PCDHGA1: variants seen among roughly 807,000 people sequenced by gnomAD.
PCDHGA1 encodes the protein protocadherin gamma-A1.
Under a neutral mutation model 58.0 loss-of-function variants are expected in PCDHGA1, and 32 were observed. That is an observed-to-expected ratio of 0.55 (90% confidence interval 0.42 to 0.74). The LOEUF is 0.74. Ranked by LOEUF, PCDHGA1 falls within the 30% of genes least tolerant of loss-of-function variation. The pLI is 0.00. For missense variants in PCDHGA1, 1,205 were observed against 1,182.3 expected (o/e 1.02, Z -0.28); for synonymous variants, 498 against 501.1 (o/e 0.99, Z 0.08).
intron 1 of PCDHGA1, chr5:141,423,357 C>T: frequency 6.2e-7 from 1 of 1,614,214 alleles, no homozygotes; most frequent in Non-Finnish European, 8.5e-7. Context: ...TCTTTGTCAT[C>T]GTGCTGCTGG....
chr5:141,410,419 TC>T (rs769125626), intron 1 of PCDHGA1: 1 of 1,613,886 alleles, frequency 6.2e-7, no homozygotes, highest in South Asian at 1.1e-5. Flanking sequence ...GACCTGTAGT[TC>T]CCCCCAACTA....
chr5:141,409,988 G>A (rs373071156), intron 1 of PCDHGA1: 43 of 1,613,160 alleles, frequency 2.7e-5, no homozygotes, highest in African/African-American at 5.3e-5. Context: ...AGCGGTGGAC[G>A]CCGACTCGGG....
intron 1 of PCDHGA1, among the ~76,000 whole-genome samples, chr5:141,464,139 C>T (rs1200161549): frequency 6.6e-6 from 1 of 151,928 alleles, no homozygotes; most frequent in Admixed American, 6.6e-5. Flanking sequence ...GTGGTGGGCG[C>T]CTGTAGTCCC....
Position 141,491,717 on chromosome 5 carries a change from C to A in PCDHGA1, c.2422-3090C>A. ...CGGAGCCAGGTGAGGGGCTCGGCGC[C>A]GCCCCGGGCGACCCCTGGGGGCGGC... On this transcript the variant is annotated intron_variant, in intron 1 of 3. Coordinates refer to ENST00000517417, the MANE Select transcript of PCDHGA1 (RefSeq NM_018912.3). The surrounding 1 kb of genome is among the most constrained non-coding windows in gnomAD (Gnocchi z 6.9). 1 of 1,607,940 alleles carries A rather than the reference C, an allele frequency of 6.2e-7. No individual in the cohort carries two copies. Among genetic ancestry groups the A allele is most frequent in the Middle Eastern group, 1.7e-4 (1 of 6,010 alleles).
intron 1 of PCDHGA1, among the ~76,000 whole-genome samples, chr5:141,472,725 C>T (rs1250092748): frequency 6.6e-6 from 1 of 152,022 alleles, no homozygotes; most frequent in Non-Finnish European, 1.5e-5. Flanking sequence ...GTGGCTCACA[C>T]CTGTAATCCC....
chr5:141,344,436 A>G (rs898974652), intron 1 of PCDHGA1: 4 of 1,613,462 alleles, frequency 2.5e-6, no homozygotes, highest in African/African-American at 2.7e-5. Flanking sequence ...TAATTTCCCA[A>G]CAGAGGAATT....
At chr5:141,338,983 G>A in intron 1 of PCDHGA1, 1 of 1,538,208 alleles carries the variant, frequency 6.5e-7, no homozygotes, top group Non-Finnish European at 8.8e-7. Context: ...TGGCGGCTCT[G>A]CAAAAGTTGC....
chr5:141,475,139 C>T (rs928313061), intron 1 of PCDHGA1, among the ~76,000 whole-genome samples: 2 of 151,928 alleles, frequency 1.3e-5, no homozygotes, highest in African/African-American at 4.8e-5. Flanking sequence ...TTTTTGAAAT[C>T]TTCTCCGTCT....
chr5:141,444,364 T>C (rs1191889941), intron 1 of PCDHGA1, among the ~76,000 whole-genome samples: 2 of 151,718 alleles, frequency 1.3e-5, no homozygotes, highest in Admixed American at 1.3e-4. Context: ...AGAGACGGGG[T>C]TTCTCCATGT....
At chr5:141,376,267 G>A (rs1021502624) in intron 1 of PCDHGA1, 6 of 1,614,210 alleles carry the variant, frequency 3.7e-6, no homozygotes, top group Non-Finnish European at 5.1e-6. Context: ...TGCAGGCTTC[G>A]GGAGGTGGCT....
At chr5:141,350,525 C>G in intron 1 of PCDHGA1, 2 of 1,613,934 alleles carry the variant, frequency 1.2e-6, no homozygotes, top group East Asian at 4.5e-5. Context: ...TAGGATAGAT[C>G]GAGAGAAGAT....
intron 1 of PCDHGA1, chr5:141,422,528 C>T: frequency 5.0e-6 from 8 of 1,614,018 alleles, no homozygotes; most frequent in Non-Finnish European, 5.1e-6. Flanking sequence ...CCGCCTTTGT[C>T]TGCAGAAACT....
At chr5:141,463,692 C>A (rs1482988660) in intron 1 of PCDHGA1, among the ~76,000 whole-genome samples, 2 of 151,934 alleles carry the variant, frequency 1.3e-5, no homozygotes, top group Non-Finnish European at 2.9e-5. Flanking sequence ...GTGATCTGCT[C>A]ACCTCGGCCT....
chr5:141,401,446 A>G (rs1200787289), intron 1 of PCDHGA1, among the ~76,000 whole-genome samples: 1 of 152,244 alleles, frequency 6.6e-6, no homozygotes, highest in Non-Finnish European at 1.5e-5. Context: ...GAAGGTCCAA[A>G]TCATCCAAAT....
intron 1 of PCDHGA1, chr5:141,422,968 C>A (rs766010601): frequency 6.2e-7 from 1 of 1,614,240 alleles, no homozygotes; most frequent in Non-Finnish European, 8.5e-7. Context: ...GCTGGCGCCC[C>A]GCTCTGCGGA....
chr5:141,478,901 A>T (rs2099483520), intron 1 of PCDHGA1: 2 of 1,002,034 alleles, frequency 2.0e-6, no homozygotes, highest in African/African-American at 3.3e-5. Flanking sequence ...ATTAGGAATA[A>T]GCTGCTGGAT....
chr5:141,345,446 C>A (rs1757575609), intron 1 of PCDHGA1: 1 of 1,614,026 alleles, frequency 6.2e-7, no homozygotes, highest in Non-Finnish European at 8.5e-7. Context: ...GAGCCTCCAT[C>A]TTCTCAGTGA....
chr5:141,453,732 C>T (rs182118864), intron 1 of PCDHGA1, among the ~76,000 whole-genome samples: 9 of 152,332 alleles, frequency 5.9e-5, no homozygotes. Context: ...TTTGTTACTA[C>T]AGCTTAAATA....
intron 2 of PCDHGA1, 54 bp from the exon 3 acceptor site, chr5:141,505,339 G>A: frequency 1.2e-6 from 2 of 1,612,236 alleles, no homozygotes; most frequent in Middle Eastern, 3.4e-4. Flanking sequence ...GACAGGAGGG[G>A]CATGAGCTGT....
Sources: gnomAD v4.1 joint callset for allele counts (sites outside exome capture counted in the v4.1 genomes callset) on GRCh38, gnomAD v4.1.1 for gene constraint, Gnocchi (gnomAD v3.1) non-coding constraint, MANE v1.5 for transcripts, NCBI Gene and HGNC (gene_info 2026-07-23, HGNC 2026-07-21) for gene names.